The following CFAP47 variants were observed in gnomAD, a reference collection of about 807,000 sequenced individuals.
CFAP47 encodes the protein cilia and flagella associated protein 47.
In CFAP47, 29 loss-of-function variants were observed where a neutral mutation model predicts 148.1. The ratio of observed to expected loss-of-function variants is 0.20; its 90% confidence interval spans 0.15 to 0.27. The LOEUF (loss-of-function observed/expected upper bound fraction) is 0.27, where lower values mean the gene tolerates loss of function less well. CFAP47 is among the 10% of genes least tolerant of loss of function. CFAP47 has a pLI of 1.00. For synonymous variants in CFAP47, 664 were observed against 577.3 expected (o/e 1.15, Z -2.15); for missense variants, 1,872 against 1,697.5 (o/e 1.10, Z -1.81).
intron 46 of CFAP47, among the ~76,000 whole-genome samples, chrX:36,234,500 C>A (rs1262729820): frequency 8.9e-6 from 1 of 111,738 alleles, no homozygotes; most frequent in Non-Finnish European, 1.9e-5. Context: ...ATTGGTTTTT[C>A]TAGTTTTACA....
intron 61 of CFAP47, among the ~76,000 whole-genome samples, chrX:36,365,072 T>C (rs782645126): frequency 1.9e-5 from 2 of 106,524 alleles, no homozygotes; most frequent in Non-Finnish European, 3.9e-5. Context: ...TGTGGAAATC[T>C]TCTTGTAAGA....
chrX:36,262,804 G>A (rs1409618140), intron 49 of CFAP47, among the ~76,000 whole-genome samples: 4 of 111,568 alleles, frequency 3.6e-5, no homozygotes, highest in East Asian at 5.6e-4. Flanking sequence ...TGTTCTTCAC[G>A]ATGGTTGTAC....
intron 49 of CFAP47, among the ~76,000 whole-genome samples, chrX:36,279,793 C>T (rs1941058052): frequency 9.0e-6 from 1 of 110,917 alleles, no homozygotes; most frequent in African/African-American, 3.3e-5. Flanking sequence ...CAACTTCCGC[C>T]TCCCGGGTTC....
chrX:36,027,870 A>G (rs181480487), intron 22 of CFAP47, among the ~76,000 whole-genome samples: 2 of 111,680 alleles, frequency 1.8e-5, no homozygotes, highest in East Asian at 5.6e-4. Context: ...GTAAGATAGT[A>G]TCTCATTGTG....
intron 45 of CFAP47, among the ~76,000 whole-genome samples, chrX:36,205,727 AT>A (rs1355403106): frequency 1.8e-5 from 2 of 112,057 alleles, no homozygotes; most frequent in East Asian, 5.6e-4. Context: ...GTGACTAAAT[AT>A]TTTTAACTAT....
At chrX:36,285,567 T>C in intron 50 of CFAP47, 62 bp from the exon 51 acceptor site, 1 of 485,300 alleles carries the variant, frequency 2.1e-6, no homozygotes, top group Non-Finnish European at 3.6e-6. Flanking sequence ...GATTCTCAAA[T>C]GTGTATGTTA....
chrX:36,384,769 A>G (rs979607275), intron 63 of CFAP47, 28 bp from the exon 64 acceptor site: 4 of 1,080,631 alleles, frequency 3.7e-6, no homozygotes, highest in Non-Finnish European at 5.0e-6. Flanking sequence ...GATATTTCAA[A>G]TGAAAATTTC....
chrX:36,273,859 G>A (rs939355249), intron 49 of CFAP47, among the ~76,000 whole-genome samples: 2 of 110,757 alleles, frequency 1.8e-5, no homozygotes, highest in Non-Finnish European at 3.8e-5. Context: ...AAAAATATAC[G>A]TAAAAGGAAA....
chrX:36,215,468 T>A (rs1404024349), intron 45 of CFAP47, among the ~76,000 whole-genome samples: 2 of 108,988 alleles, frequency 1.8e-5, no homozygotes, highest in African/African-American at 3.4e-5. Flanking sequence ...AGTGAAGGGG[T>A]TGGCTCTATT....
intron 29 of CFAP47, among the ~76,000 whole-genome samples, chrX:36,082,546 C>G (rs189276508): frequency 9.0e-6 from 1 of 111,598 alleles, no homozygotes; most frequent in Admixed American, 9.6e-5. Flanking sequence ...TCATTTGAAT[C>G]GTACTGGAAG....
chrX:36,115,859 C>T (rs1293290210), intron 33 of CFAP47, among the ~76,000 whole-genome samples: 3 of 111,664 alleles, frequency 2.7e-5, no homozygotes, highest in Non-Finnish European at 5.6e-5. Context: ...AGAAGAATAA[C>T]TGCATCTAAT....
intron 13 of CFAP47, 127 bp from the exon 14 acceptor site, chrX:35,975,020 G>A (rs1427330138): frequency 5.0e-6 from 2 of 399,300 alleles, no homozygotes; most frequent in Non-Finnish European, 8.3e-6. Flanking sequence ...TGCTATTATT[G>A]TAAATATTTT....
chrX:36,221,439 CTT>C (rs1555990776), intron 45 of CFAP47, among the ~76,000 whole-genome samples: 1 of 111,154 alleles, frequency 9.0e-6, no homozygotes, highest in Non-Finnish European at 1.9e-5. Context: ...ATAAACAAAA[CTT>C]GATGAATTCA....
At chrX:36,115,503 G>A (rs1938624520) in intron 33 of CFAP47, among the ~76,000 whole-genome samples, 1 of 111,430 alleles carries the variant, frequency 9.0e-6, no homozygotes, top group South Asian at 3.7e-4. Context: ...TGTCTGTGAT[G>A]AGAAGTTATT....
chrX:36,350,527 C>T (rs1381956830), intron 59 of CFAP47, among the ~76,000 whole-genome samples: 2 of 110,607 alleles, frequency 1.8e-5, no homozygotes, highest in Non-Finnish European at 3.8e-5. Flanking sequence ...ATGTGGATCC[C>T]TTTATTATTG....
At chrX:36,061,153 C>A (rs773126956) in intron 26 of CFAP47, among the ~76,000 whole-genome samples, 1 of 110,853 alleles carries the variant, frequency 9.0e-6, no homozygotes, top group African/African-American at 3.3e-5. Context: ...GCATCTCCCA[C>A]TGCCCTCTCT....
intron 6 of CFAP47, 53 bp downstream of exon 6, chrX:35,952,016 A>G: frequency 9.1e-7 from 1 of 1,093,659 alleles, no homozygotes. Context: ...AAAGTATATT[A>G]ACCACACTTT....
chrX:36,283,755 A>G (rs1556004011), intron 50 of CFAP47, among the ~76,000 whole-genome samples: 1 of 111,936 alleles, frequency 8.9e-6, no homozygotes, highest in African/African-American at 3.2e-5. Flanking sequence ...ACATCCTGCT[A>G]GTTCCATCTC....
intron 33 of CFAP47, among the ~76,000 whole-genome samples, chrX:36,123,811 C>T (rs1938790178): frequency 9.0e-6 from 1 of 111,363 alleles, no homozygotes; most frequent in Non-Finnish European, 1.9e-5. Flanking sequence ...AGGTGCAAGA[C>T]AGAGGTCTCT....
Sources: gnomAD v4.1 joint callset for allele counts (sites outside exome capture counted in the v4.1 genomes callset) on GRCh38, gnomAD v4.1.1 for gene constraint, MANE v1.5 for transcripts, NCBI Gene and HGNC (gene_info 2026-07-23, HGNC 2026-07-21) for gene names.